The following HMGCLL1 variants were observed in gnomAD, a reference collection of about 807,000 sequenced individuals.
The protein encoded by HMGCLL1 is 3-hydroxymethyl-3-methylglutaryl-CoA lyase, cytoplasmic.
HMGCLL1 carries 36 observed loss-of-function variants against 39.1 expected under a neutral mutation model. The ratio of observed to expected loss-of-function variants is 0.92; its 90% CI spans 0.71 to 1.22. The LOEUF (loss-of-function observed/expected upper bound fraction) is 1.22, where lower values mean the gene tolerates loss of function less well. Ranked by LOEUF, HMGCLL1 falls within the 50% of genes most tolerant of loss-of-function variation. The probability of loss-of-function intolerance (pLI) is 0.00; values close to 1 mark genes in which losing one functional copy is unlikely to be tolerated. For missense variants in HMGCLL1, 451 were observed against 416.5 expected (o/e 1.08, Z -0.72); for synonymous variants, 149 against 144.0 (o/e 1.03, Z -0.25).
chr6:55,631,147 T>C, the HMGCLL1 span, among the ~76,000 whole-genome samples: 2 of 152,124 alleles, frequency 1.3e-5, no homozygotes, highest in South Asian at 4.1e-4. Flanking sequence ...CTAATATTAA[T>C]AGCTCTAAGT....
At chr6:55,532,706 C>CA (rs1768753152) in intron 3 of HMGCLL1, among the ~76,000 whole-genome samples, 1 of 151,648 alleles carries the variant, frequency 6.6e-6, no homozygotes, top group African/African-American at 2.4e-5. Flanking sequence ...GAGGCTGAAG[C>CA]AGGAGAATCG....
At position 55,491,047 on chromosome 6, in the gene HMGCLL1, T is replaced by C. The variant is rs1766284792; in HGVS notation, c.795+4372A>G. ...AACAGTCCAACCACATGTATTGTTA[T>C]CAAGGCATCATTCTAGAAATTCTGT... On this transcript the variant is annotated intron_variant, in intron 7 of 8. Coordinates refer to ENST00000274901, the MANE Select transcript of HMGCLL1 (RefSeq NM_001042406.2). 2.0e-5 allele frequency among the ~76,000 whole-genome samples: 3 copies of C among 152,162 alleles called. No individual in the cohort carries two copies. The South Asian group carries it at 6.2e-4, about 31-fold the overall frequency.
At chr6:55,660,769 T>C in the HMGCLL1 span, among the ~76,000 whole-genome samples, 1 of 152,058 alleles carries the variant, frequency 6.6e-6, no homozygotes, top group Non-Finnish European at 1.5e-5. Flanking sequence ...TAAAAAGTTC[T>C]GTTTTTAGCT....
intron 5 of HMGCLL1, among the ~76,000 whole-genome samples, chr6:55,502,560 A>G (rs1561921630): frequency 1.3e-5 from 2 of 151,676 alleles, no homozygotes; most frequent in Non-Finnish European, 2.9e-5. Flanking sequence ...TCTTAATTGC[A>G]GGCTAAGCTG....
At chr6:55,547,884 A>G (rs1374394957) in intron 1 of HMGCLL1, among the ~76,000 whole-genome samples, 1 of 152,038 alleles carries the variant, frequency 6.6e-6, no homozygotes, top group Non-Finnish European at 1.5e-5. Context: ...ATTATCATTT[A>G]TATAGCAGAT....
In HMGCLL1 at chr6:55,477,169, A is replaced by AAT. The variant is rs1239890750; in HGVS notation, c.795+18248_795+18249dup. ...ATATATATATTATATATTATAATAT[A>AAT]ATATATATTATATTTATATATTATA... On this transcript the variant is annotated intron_variant, in intron 7 of 8. Coordinates refer to ENST00000274901, the MANE Select transcript of HMGCLL1 (RefSeq NM_001042406.2). 1.5e-4 allele frequency among the ~76,000 whole-genome samples: 7 copies of AAT among 46,190 alleles called. 1 individual carries two copies. The highest frequency in any genetic ancestry group is 7.2e-4 in the African/African-American group (7 of 9,732). 30.3% of individuals were successfully genotyped at this position (46,190 alleles called of 152,430 possible).
At chr6:55,466,809 G>C (rs1414921680) in intron 7 of HMGCLL1, among the ~76,000 whole-genome samples, 2 of 152,030 alleles carry the variant, frequency 1.3e-5, no homozygotes, top group Non-Finnish European at 2.9e-5. Flanking sequence ...ATACTAGAAA[G>C]AGTTCTAAAA....
At chr6:55,464,347 A>C (rs1054625303) in intron 7 of HMGCLL1, among the ~76,000 whole-genome samples, 1 of 152,150 alleles carries the variant, frequency 6.6e-6, no homozygotes, top group Non-Finnish European at 1.5e-5. Flanking sequence ...CTATCCTGCA[A>C]CCATAACACT....
chr6:55,547,603 C>T (rs939536524), intron 1 of HMGCLL1, among the ~76,000 whole-genome samples: 3 of 151,786 alleles, frequency 2.0e-5, no homozygotes, highest in African/African-American at 7.3e-5. Context: ...CCAGTATTCC[C>T]AAGAACTGCT....
chr6:55,553,741 T>C (rs1309911093), intron 1 of HMGCLL1, among the ~76,000 whole-genome samples: 2 of 152,166 alleles, frequency 1.3e-5, no homozygotes, highest in African/African-American at 4.8e-5. Flanking sequence ...TTCTGATATT[T>C]TGCAAAAATG....
At chr6:55,567,057 C>T (rs1347585334) in intron 1 of HMGCLL1, among the ~76,000 whole-genome samples, 1 of 151,952 alleles carries the variant, frequency 6.6e-6, no homozygotes, top group East Asian at 1.9e-4. Flanking sequence ...AGCCACATCC[C>T]TTAAAAAGAC....
intron 1 of HMGCLL1, 74 bp from the exon 2 acceptor site, chr6:55,542,214 A>G: frequency 3.2e-6 from 3 of 926,520 alleles, no homozygotes; most frequent in Non-Finnish European, 5.1e-6. Flanking sequence ...AAAGTTAAAC[A>G]ACTGCACTTT....
At chr6:55,484,908 T>C (rs576553929) in intron 7 of HMGCLL1, among the ~76,000 whole-genome samples, 1 of 135,580 alleles carries the variant, frequency 7.4e-6, no homozygotes, top group South Asian at 2.2e-4. Context: ...CAAAACCCTG[T>C]AATTTTTTTT....
At chr6:55,653,368 G>T in the HMGCLL1 span, among the ~76,000 whole-genome samples, 1 of 151,822 alleles carries the variant, frequency 6.6e-6, no homozygotes, top group Non-Finnish European at 1.5e-5. Flanking sequence ...TTTTAAAGTC[G>T]ATTGTATGAA....
At chr6:55,532,892 C>T (rs1356226945) in intron 3 of HMGCLL1, among the ~76,000 whole-genome samples, 1 of 150,092 alleles carries the variant, frequency 6.7e-6, no homozygotes, top group East Asian at 1.9e-4. Flanking sequence ...GTTAACATTT[C>T]CATATTCTTT....
chr6:55,588,224 C>T, the HMGCLL1 span, among the ~76,000 whole-genome samples: 4 of 152,100 alleles, frequency 2.6e-5, no homozygotes, highest in African/African-American at 9.7e-5. Context: ...GCAGTGCAAT[C>T]AAACCAGAAC....
intron 7 of HMGCLL1, among the ~76,000 whole-genome samples, chr6:55,480,259 A>G (rs1292023585): frequency 2.0e-5 from 3 of 151,774 alleles, no homozygotes; most frequent in East Asian, 3.9e-4. Context: ...ATATACAAGG[A>G]GCTCAAATAA....
chr6:55,469,479 GTGTA>G lies in HMGCLL1; in HGVS notation c.795+25936_795+25939del, dbSNP rs1283603052. On this transcript the variant is annotated intron_variant, in intron 7 of 8. Coordinates refer to ENST00000274901, the MANE Select transcript of HMGCLL1 (RefSeq NM_001042406.2). ...TATATGTGTATATATGTGTGTGTGT[GTGTA>G]TATATATATATGAAGTTAGTTATCT... Among the ~76,000 whole-genome samples the G allele has an allele frequency of 4.2e-3, 624 of 148,558 alleles. 6 individuals are homozygous for G. Among genetic ancestry groups the G allele is most frequent in the African/African-American group, 0.014 (585 of 40,682 alleles).
At chr6:55,609,846 T>A in the HMGCLL1 span, among the ~76,000 whole-genome samples, 2 of 152,118 alleles carry the variant, frequency 1.3e-5, no homozygotes, top group African/African-American at 4.8e-5. Flanking sequence ...TTTGCTGTTC[T>A]CTAGCCTCCT....
Sources: gnomAD v4.1 joint callset for allele counts (sites outside exome capture counted in the v4.1 genomes callset) on GRCh38, gnomAD v4.1.1 for gene constraint, MANE v1.5 for transcripts, NCBI Gene and HGNC (gene_info 2026-07-23, HGNC 2026-07-21) for gene names.